The following AIMP2 variants were observed in gnomAD, a reference collection of about 807,000 sequenced individuals.
AIMP2 encodes the protein aminoacyl tRNA synthase complex-interacting multifunctional protein 2.
A neutral mutation model predicts 23.4 loss-of-function variants in AIMP2; 20 were observed. The ratio of observed to expected loss-of-function variants is 0.85; its 90% CI spans 0.60 to 1.24. The LOEUF (loss-of-function observed/expected upper bound fraction) is 1.24, where lower values mean the gene tolerates loss of function less well. Ranked by LOEUF, AIMP2 falls within the 50% of genes most tolerant of loss-of-function variation. AIMP2 has a pLI of 0.00. For synonymous variants in AIMP2, 210 were observed against 170.4 expected (o/e 1.23, Z -1.81); for missense variants, 515 against 414.5 (o/e 1.24, Z -2.10).
At position 6,018,017 on chromosome 7, in the gene AIMP2, G is replaced by C. The variant is rs1393819667; in HGVS notation, c.546G>C (p.Gln182His). The C allele has an allele frequency of 6.2e-7, 1 of 1,613,912 alleles. No homozygotes were observed. Among genetic ancestry groups the C allele is most frequent in the Non-Finnish European group, 8.5e-7 (1 of 1,179,966 alleles). ...AAAAACAGCCCCGCCAAGACTATCA[G>C]CTGGGATTCACTTTAATTTGGAAGA... ...QNKKQPRQDY[Q>H]LGFTLIWKNV... is the part of the protein sequence containing the mutation. Residue 182 changes from glutamine (Q) to histidine (H), a missense_variant, in exon 3 of 4, where the codon CAG (glutamine) becomes CAC (histidine). Physicochemically the swap from Gln to His is conservative, Grantham distance 24. Transcript: ENST00000223029.
intron 2 of AIMP2, chr7:6,016,803 T>C (rs1787056413): frequency 1.3e-5 from 2 of 152,124 alleles, no homozygotes; most frequent in African/African-American, 4.8e-5. Flanking sequence ...TGGCCGTGAG[T>C]GTTCACATCA....
At chr7:6,015,377 C>G (rs563423266) in intron 2 of AIMP2, 25 bp downstream of exon 2, 54 of 1,609,442 alleles carry the variant, frequency 3.4e-5, no homozygotes, top group Non-Finnish European at 4.6e-5. Flanking sequence ...AAAGCTGAAA[C>G]GTTAGTAGGT....
At position 6,009,342 on chromosome 7, in the gene AIMP2, C is replaced by T. The variant is rs1062372; in HGVS notation, c.-22C>T. 6.2e-7 allele frequency: 1 copy of T among 1,611,504 alleles called. No individual in the cohort carries two copies. The highest frequency in any genetic ancestry group is 2.2e-5 in the East Asian group (1 of 44,858). On this transcript the variant is annotated 5_prime_UTR_variant, in exon 1 of 4. Coordinates refer to ENST00000223029, the MANE Select transcript of AIMP2 (RefSeq NM_006303.4). The stretch of plus-strand genomic sequence containing the variant: ...AGCGTTGGCCTTTGGCACGCGCTAC[C>T]CCCTTTTGCTTTGGTTCTGCCATGC...
rs1374586427 is a variant in AIMP2 at position 6,023,579 on chromosome 7, T to C, written c.851T>C (p.Val284Ala). The C allele has an allele frequency of 6.2e-7, 1 of 1,614,136 alleles. No homozygotes were observed. The highest frequency in any genetic ancestry group is 8.5e-7 in the Non-Finnish European group (1 of 1,180,052). ...GTAGCAGACGTGGTGCTGTGGTCTGTACTCCAGCAGATCGGAGGCTGCAGT... is the reference window on the plus strand; with the variant it reads ...GTAGCAGACGTGGTGCTGTGGTCTGCACTCCAGCAGATCGGAGGCTGCAGT... ...LTVADVVLWS[V>A]LQQIGGCSVT... The change falls in exon 4 of 4, where the codon GTA becomes GCA. Residue 284 changes from valine (V) to alanine (A), a missense_variant. Coordinates refer to ENST00000223029, the MANE Select transcript of AIMP2 (RefSeq NM_006303.4).
intron 2 of AIMP2, 69 bp downstream of exon 2, chr7:6,015,421 G>A (rs1364607574): frequency 1.9e-6 from 3 of 1,542,264 alleles, no homozygotes; most frequent in Non-Finnish European, 2.7e-6. Context: ...TTGTGCTGCT[G>A]TGATTAAAGC....
intron 1 of AIMP2, chr7:6,012,730 T>C: frequency 2.9e-6 from 2 of 682,934 alleles, no homozygotes; most frequent in South Asian, 1.8e-5. Flanking sequence ...CAGCTAATTT[T>C]TGTGTTTCAG....
chr7:6,018,709 C>T (rs1787189344), intron 3 of AIMP2, among the ~76,000 whole-genome samples: 2 of 151,756 alleles, frequency 1.3e-5, no homozygotes, highest in Non-Finnish European at 2.9e-5. Flanking sequence ...TAGCAGGCGC[C>T]TGTAATCCCA....
chr7:6,023,161 T>C, intron 3 of AIMP2, 142 bp from the exon 4 acceptor site: 1 of 998,970 alleles, frequency 1.0e-6, no homozygotes, highest in East Asian at 2.5e-5. Flanking sequence ...AGAGACAGAC[T>C]GAAAATGTGA....
chr7:6,017,687 GCTAGTGCCGT>G, intron 2 of AIMP2, 117 bp from the exon 3 acceptor site: 1 of 762,088 alleles, frequency 1.3e-6, no homozygotes, highest in South Asian at 1.8e-5. Flanking sequence ...TGGAGATGAC[GCTAGTGCCGT>G]CTTCATGGAA....
chr7:6,009,974 A>ATATATATAT (rs1554310935), intron 1 of AIMP2, among the ~76,000 whole-genome samples: 2 of 26,672 alleles, frequency 7.5e-5, no homozygotes, highest in African/African-American at 2.8e-4. Context: ...AAAAAAAAAA[A>ATATATATAT]ATATATATAT....
intron 2 of AIMP2, chr7:6,016,752 T>A (rs969784597): frequency 7.2e-5 from 11 of 152,228 alleles, no homozygotes; most frequent in African/African-American, 2.7e-4. Context: ...TGTGGGATAT[T>A]GGTCAGGAGT....
rs893082791 is a variant in AIMP2 at position 6,023,566 on chromosome 7, G to A, written c.838G>A (p.Val280Met). The change falls in exon 4 of 4, where the codon GTG becomes ATG. Residue 280 changes from valine to methionine, a missense_variant. Transcript: ENST00000223029. ...AGNELTVADVVLWSVLQQIGG... is the reference protein window; with the variant it reads ...AGNELTVADVMLWSVLQQIGG... ...GAATGAACTCACCGTAGCAGACGTGGTGCTGTGGTCTGTACTCCAGCAGAT... is the reference window on the plus strand; with the variant it reads ...GAATGAACTCACCGTAGCAGACGTGATGCTGTGGTCTGTACTCCAGCAGAT... 5.0e-6 allele frequency: 8 copies of A among 1,614,120 alleles called. No homozygotes were observed. Among genetic ancestry groups the A allele is most frequent in the Non-Finnish European group, 6.8e-6 (8 of 1,180,054 alleles).
In AIMP2 at chr7:6,023,808, G is replaced by A. The variant is rs1787653499; in HGVS notation, c.*117G>A. 2.5e-6 allele frequency: 4 copies of A among 1,579,098 alleles called. No individual in the cohort carries two copies. Among genetic ancestry groups the A allele is most frequent in the Non-Finnish European group, 2.6e-6 (3 of 1,160,978 alleles). On this transcript the variant is annotated 3_prime_UTR_variant, in exon 4 of 4. Coordinates refer to ENST00000223029, the MANE Select transcript of AIMP2 (RefSeq NM_006303.4). ...TCTTTTTATTTAGGCCAGTTGTCAA[G>A]TGTCAATAAAAGCATCATGTAATTT...
At chr7:6,013,127 C>T (rs139984781) in intron 1 of AIMP2, 8 of 288,174 alleles carry the variant, frequency 2.8e-5, no homozygotes, top group Admixed American at 1.9e-4. Context: ...AGGCAAAGGA[C>T]GAAATTGGGT....
intron 2 of AIMP2, 76 bp from the exon 3 acceptor site, chr7:6,017,738 G>C: frequency 1.1e-5 from 15 of 1,347,428 alleles, no homozygotes; most frequent in Non-Finnish European, 1.5e-5. Flanking sequence ...ACCCTGGTTA[G>C]GTTCTTAGAC....
chr7:6,013,492 C>A (rs1455254740), intron 1 of AIMP2, among the ~76,000 whole-genome samples: 1 of 152,048 alleles, frequency 6.6e-6, no homozygotes, highest in African/African-American at 2.4e-5. Context: ...AACTCCTGAC[C>A]TCAGGTGATC....
At chr7:6,014,711 T>C (rs1355314462) in intron 1 of AIMP2, among the ~76,000 whole-genome samples, 2 of 151,936 alleles carry the variant, frequency 1.3e-5, no homozygotes, top group Non-Finnish European at 2.9e-5. Context: ...TAATGTCTTC[T>C]TTTATTTTTT....
rs957421795 is a variant in AIMP2 at position 6,017,837 on chromosome 7, C to T, written c.366C>T (p.Ile122=). Residue 122 remains isoleucine (I), a synonymous_variant, in exon 3 of 4, where the codon ATC becomes ATT. Transcript: ENST00000223029. ...AGGATTACGGGGCGCTGAAAGACATCGTGATCAACGCAAACCCGGCCTCCC... is the reference window on the plus strand; with the variant it reads ...AGGATTACGGGGCGCTGAAAGACATTGTGATCAACGCAAACCCGGCCTCCC... The part of the protein sequence containing the change: ...LGKDYGALKD[I]VINANPASPP... 9 of 1,613,764 alleles carry T rather than the reference C, an allele frequency of 5.6e-6. No homozygotes were observed. The highest frequency in any genetic ancestry group is 1.6e-4 in the Middle Eastern group (1 of 6,082).
chr7:6,017,780 C>A (rs1433757510), intron 2 of AIMP2, 34 bp from the exon 3 acceptor site: 1 of 1,584,354 alleles, frequency 6.3e-7, no homozygotes, highest in Middle Eastern at 1.7e-4. Context: ...TCTCCGATGA[C>A]TGTTATTCGT....
Sources: gnomAD v4.1 joint callset for allele counts (sites outside exome capture counted in the v4.1 genomes callset) on GRCh38, gnomAD v4.1.1 for gene constraint, MANE v1.5 for transcripts, NCBI Gene and HGNC (gene_info 2026-07-23, HGNC 2026-07-21) for gene names.